Variants in PCM1 observed in about 807,000 individuals in gnomAD.
PCM1 encodes the protein pericentriolar material 1 protein.
In PCM1, 157 loss-of-function variants were observed where a neutral mutation model predicts 241.9. That is an observed-to-expected ratio of 0.65 (90% CI 0.57 to 0.74). The LOEUF is 0.74. Ranked by LOEUF, PCM1 falls within the 30% of genes least tolerant of loss-of-function variation. PCM1 has a pLI of 0.00. For synonymous variants in PCM1, 1,085 were observed against 784.9 expected (o/e 1.38, Z -6.39); for missense variants, 3,478 against 2,360.1 (o/e 1.47, Z -9.81).
intron 15 of PCM1, 61 bp from the exon 16 acceptor site, chr8:17,961,973 T>G: frequency 6.7e-7 from 1 of 1,486,268 alleles, no homozygotes; most frequent in Non-Finnish European, 9.1e-7. Context: ...AGTAACTGCT[T>G]TTATGAAATT....
At chr8:17,947,409 C>G (rs2064236992) in intron 7 of PCM1, 46 bp downstream of exon 7, 2 of 1,355,602 alleles carry the variant, frequency 1.5e-6, no homozygotes, top group East Asian at 2.3e-5. Context: ...AAGACTCATA[C>G]ATAATTGTAT....
intron 38 of PCM1, among the ~76,000 whole-genome samples, chr8:18,026,481 G>A (rs955135863): frequency 6.6e-6 from 1 of 151,022 alleles, no homozygotes; most frequent in South Asian, 2.1e-4. Context: ...AGATGGTCTC[G>A]ATCTCCTGAC....
At chr8:18,021,896 C>G (rs1454371683) in intron 36 of PCM1, among the ~76,000 whole-genome samples, 2 of 152,190 alleles carry the variant, frequency 1.3e-5, no homozygotes, top group Admixed American at 1.3e-4. Context: ...TGACTCAATA[C>G]TCTAAGACCT....
At chr8:17,961,869 T>C (rs892061113) in intron 15 of PCM1, among the ~76,000 whole-genome samples, 165 bp from the exon 16 acceptor site, 1 of 152,224 alleles carries the variant, frequency 6.6e-6, no homozygotes, top group Non-Finnish European at 1.5e-5. Context: ...TTTTCATCTT[T>C]GTTTTCTTAT....
chr8:17,947,048 C>G (rs2064089761), intron 6 of PCM1, 138 bp from the exon 7 acceptor site: 1 of 515,318 alleles, frequency 1.9e-6, no homozygotes, highest in Non-Finnish European at 3.5e-6. Flanking sequence ...ACTCTTTTTT[C>G]TTGATGTCTA....
intron 8 of PCM1, among the ~76,000 whole-genome samples, chr8:17,952,159 G>A (rs1205101414): frequency 6.6e-6 from 1 of 151,916 alleles, no homozygotes; most frequent in Non-Finnish European, 1.5e-5. Context: ...GGAGGCGGAG[G>A]TTTCAGTGAG....
chr8:17,985,848 T>C (rs1204493889), intron 25 of PCM1, 111 bp from the exon 26 acceptor site: 2 of 796,320 alleles, frequency 2.5e-6, no homozygotes, highest in Non-Finnish European at 3.8e-6. Context: ...CCTGTGAGGG[T>C]AGAAACAGTA....
Position 17,962,084 on chromosome 8 carries a change from T to A in PCM1, c.2373T>A (p.Ala791=), listed in dbSNP as rs2072544732. 2 of 1,611,796 alleles carry A rather than the reference T, an allele frequency of 1.2e-6. No homozygotes were observed. The highest frequency in any genetic ancestry group is 2.2e-5 in the South Asian group (2 of 90,744). ...GNCPTKKYMP[A]VTSTPTVNQH... ...GTCCCACCAAAAAATATATGCCAGC[T>A]GTTACTTCAACCCCAACTGTTAATC... Residue 791 remains alanine, a synonymous_variant, in exon 16 of 39, where the codon GCT becomes GCA. Transcript: ENST00000325083.
At chr8:18,007,381 C>T (rs190941983) in intron 30 of PCM1, among the ~76,000 whole-genome samples, 40 of 152,220 alleles carry the variant, frequency 2.6e-4, no homozygotes, top group Admixed American at 1.8e-3. Flanking sequence ...GTCCTGGCCC[C>T]GTTAGCAGTT....
chr8:18,012,071 C>A (rs1271788941), intron 34 of PCM1, among the ~76,000 whole-genome samples: 3 of 152,112 alleles, frequency 2.0e-5, no homozygotes, highest in African/African-American at 7.2e-5. Flanking sequence ...GCTCATTGCT[C>A]ATAGCCTCAA....
chr8:17,961,886 T>G, intron 15 of PCM1, 148 bp from the exon 16 acceptor site: 1 of 582,930 alleles, frequency 1.7e-6, no homozygotes, highest in Non-Finnish European at 2.9e-6. Flanking sequence ...TTATTTCATG[T>G]TATCTTCGGA....
At chr8:17,932,224 A>C (rs74319142) in intron 2 of PCM1, among the ~76,000 whole-genome samples, 1 of 152,152 alleles carries the variant, frequency 6.6e-6, no homozygotes, top group African/African-American at 2.4e-5. Flanking sequence ...AATTTATCAC[A>C]ATTATAGCGT....
Position 18,027,742 on chromosome 8 carries a change from C to G in PCM1, c.*80C>G. 9.7e-7 allele frequency: 1 copy of G among 1,033,272 alleles called. No individual in the cohort carries two copies. The highest frequency in any genetic ancestry group is 1.4e-6 in the Non-Finnish European group (1 of 699,454). The allele number at this position is 1,033,272 out of a possible 1,614,324, so 64.0% of individuals were successfully genotyped here. ...AAACAATACTAAATAAACATCTGAT[C>G]TGTATAAAAATGTAAATTAGTTTGA... On this transcript the variant is annotated 3_prime_UTR_variant, in exon 39 of 39. Transcript: ENST00000325083.
intron 15 of PCM1, among the ~76,000 whole-genome samples, chr8:17,961,520 C>G (rs1315866216): frequency 6.6e-6 from 1 of 151,980 alleles, no homozygotes; most frequent in South Asian, 2.1e-4. Context: ...ACCGTGTTAG[C>G]CAAGATGGTC....
At chr8:17,983,213 A>AC (rs1564154693) in intron 24 of PCM1, 1 of 1,295,574 alleles carries the variant, frequency 7.7e-7, no homozygotes, top group South Asian at 1.3e-5. Flanking sequence ...GTTCATCCTT[A>AC]TGTCTGCCCT....
chr8:17,984,111 G>T (rs989450262), intron 24 of PCM1, among the ~76,000 whole-genome samples: 2 of 152,006 alleles, frequency 1.3e-5, no homozygotes, highest in Admixed American at 1.3e-4. Flanking sequence ...AATGAAGCTT[G>T]TGTTTAAATG....
chr8:18,000,669 G>A (rs947353727), intron 29 of PCM1, among the ~76,000 whole-genome samples: 14 of 152,004 alleles, frequency 9.2e-5, no homozygotes, highest in Admixed American at 5.2e-4. Flanking sequence ...TCACCCAGGC[G>A]GGAATGCAGT....
chr8:17,986,324 A>T (rs188293675), intron 26 of PCM1: 181 of 277,884 alleles, frequency 6.5e-4, no homozygotes, highest in African/African-American at 3.8e-3. Flanking sequence ...TGAGATAGCC[A>T]TATTTATGTT....
Position 17,927,794 on chromosome 8 carries a change from C to G in PCM1, c.-23+3014C>G, listed in dbSNP as rs1201728073. 2.0e-5 allele frequency: 3 copies of G among 151,636 alleles called. No homozygotes were observed. The East Asian group carries it at 5.8e-4, about 29-fold the overall frequency. 9.4% of individuals were successfully genotyped at this position (151,636 alleles called of 1,614,324 possible). A position where few individuals can be genotyped will look rare whatever the true frequency, so the allele number is the denominator to read the frequency against. On this transcript the variant is annotated intron_variant, in intron 2 of 38. Transcript: ENST00000325083. ...TTCAACTCCTGACCTCGTGATCCGC[C>G]CGCCTCAGCTTCCCTAAGTCCTGGG...
Sources: gnomAD v4.1 joint callset for allele counts (sites outside exome capture counted in the v4.1 genomes callset) on GRCh38, gnomAD v4.1.1 for gene constraint, MANE v1.5 for transcripts, NCBI Gene and HGNC (gene_info 2026-07-23, HGNC 2026-07-21) for gene names.